MGAT5: variants seen among roughly 807,000 people sequenced by gnomAD.
MGAT5 encodes the protein alpha-1,6-mannosylglycoprotein 6-beta-N-acetylglucosaminyltransferase.
In MGAT5, 30 loss-of-function variants were observed where a neutral mutation model predicts 94.3. The ratio of observed to expected loss-of-function variants is 0.32; its 90% confidence interval spans 0.24 to 0.43. The LOEUF (loss-of-function observed/expected upper bound fraction) is 0.43. Among genes scored for constraint, MGAT5 ranks in the 20% least tolerant of loss-of-function variants. The pLI is 1.00. For synonymous variants in MGAT5, 310 were observed against 322.9 expected (o/e 0.96, Z 0.43); for missense variants, 691 against 905.5 (o/e 0.76, Z 3.04).
intron 2 of MGAT5, among the ~76,000 whole-genome samples, chr2:134,271,627 GGTT>G (rs1388308360): frequency 2.0e-5 from 3 of 152,226 alleles, no homozygotes; most frequent in Non-Finnish European, 4.4e-5. Flanking sequence ...TATGCAAGGT[GGTT>G]GTTATTACCT....
rs1365505063 is a variant in MGAT5, at chr2:134,316,285, C to T, written c.407-1244C>T. ...GCATTTGAAGCCTTTCCTGTTGTTGCATCTCCTGTCTGTCCTGAGTACCTC... is the reference window on the plus strand; with the variant it reads ...GCATTTGAAGCCTTTCCTGTTGTTGTATCTCCTGTCTGTCCTGAGTACCTC... On this transcript the variant is annotated intron_variant, in intron 2 of 15. Transcript: ENST00000281923. 2.0e-5 allele frequency among the ~76,000 whole-genome samples: 3 copies of T among 152,154 alleles called. No homozygotes were observed. In the East Asian group the frequency reaches 5.8e-4, roughly 29 times the overall value.
chr2:134,426,391 C>A (rs1384008398), intron 13 of MGAT5, among the ~76,000 whole-genome samples: 1 of 152,190 alleles, frequency 6.6e-6, no homozygotes, highest in African/African-American at 2.4e-5. Flanking sequence ...GAGGAGGAGC[C>A]ATTTTTCTGT....
chr2:134,202,504 AATTGCGC>A (rs1679835684), intron 1 of MGAT5, among the ~76,000 whole-genome samples: 1 of 152,180 alleles, frequency 6.6e-6, no homozygotes, highest in African/African-American at 2.4e-5. Context: ...GTTGTTCACA[AATTGCGC>A]AGTCTAAAGT....
In MGAT5 at chr2:134,389,141, G is replaced by A. The variant is rs143841618; in HGVS notation, c.1381-13847G>A. 1.8e-3 allele frequency among the ~76,000 whole-genome samples: 281 copies of A among 152,180 alleles called. 1 individual carries two copies. The highest frequency in any genetic ancestry group is 6.5e-3 in the African/African-American group (271 of 41,532). ...TGGCATCAGGAGGCACATAATGTCC[G>A]GTTATCTTGCTTTTTTCTTCATGTT... On this transcript the variant is annotated intron_variant, in intron 10 of 15. Transcript: ENST00000281923.
In MGAT5 at chr2:134,270,715, A is replaced by G. The variant is rs74941758; in HGVS notation, c.406+165A>G. Among the ~76,000 whole-genome samples the G allele has an allele frequency of 0.017, 2,520 of 152,342 alleles. 76 individuals carry two copies. Among genetic ancestry groups the G allele is most frequent in the African/African-American group, 0.056 (2,340 of 41,560 alleles). On this transcript the variant is annotated intron_variant, in intron 2 of 15. Coordinates refer to ENST00000281923, the MANE Select transcript of MGAT5 (RefSeq NM_002410.5). ...GTCTAAATTTATTTTTTAATAGCAG[A>G]TGTTAAAATGCTTTTTATAGTTTTA...
chr2:134,235,314 C>G (rs1210413321), intron 1 of MGAT5, among the ~76,000 whole-genome samples: 1 of 152,164 alleles, frequency 6.6e-6, no homozygotes, highest in African/African-American at 2.4e-5. Flanking sequence ...ACCTTAGAGT[C>G]TCTTGGGATT....
chr2:134,139,194 G>T (rs1253272178), intron 1 of MGAT5, among the ~76,000 whole-genome samples: 1 of 152,176 alleles, frequency 6.6e-6, no homozygotes, highest in Non-Finnish European at 1.5e-5. Context: ...CATAAAAATG[G>T]TTTTCCATTG....
intron 10 of MGAT5, among the ~76,000 whole-genome samples, chr2:134,373,503 T>C (rs1680950807): frequency 6.6e-6 from 1 of 152,254 alleles, no homozygotes; most frequent in African/African-American, 2.4e-5. Flanking sequence ...GTAATTGTGT[T>C]GATTATGCGA....
chr2:134,381,776 G>A (rs922151917), intron 10 of MGAT5, among the ~76,000 whole-genome samples: 2 of 152,146 alleles, frequency 1.3e-5, no homozygotes, highest in African/African-American at 4.8e-5. Context: ...TTCAAATTTT[G>A]TAATTGGCTT....
intron 14 of MGAT5, among the ~76,000 whole-genome samples, chr2:134,436,826 C>A (rs1685186297): frequency 6.6e-6 from 1 of 152,202 alleles, no homozygotes; most frequent in African/African-American, 2.4e-5. Context: ...TCACTCTTTG[C>A]AGACAAGCAG....
intron 1 of MGAT5, among the ~76,000 whole-genome samples, chr2:134,135,211 T>G (rs1013770951): frequency 1.3e-5 from 2 of 152,154 alleles, no homozygotes; most frequent in Admixed American, 6.5e-5. Flanking sequence ...GAAATTGTGT[T>G]TAGGTAGGTT....
At chr2:134,398,315 G>A (rs1377984420) in intron 10 of MGAT5, among the ~76,000 whole-genome samples, 4 of 152,152 alleles carry the variant, frequency 2.6e-5, no homozygotes, top group Admixed American at 6.5e-5. Flanking sequence ...TGGGACACAC[G>A]CTTGCCTCTG....
intron 2 of MGAT5, among the ~76,000 whole-genome samples, chr2:134,305,192 G>A (rs1686252904): frequency 6.6e-6 from 1 of 152,110 alleles, no homozygotes; most frequent in Non-Finnish European, 1.5e-5. Context: ...AAAAAAGTAA[G>A]GTAAGAGACC....
intron 2 of MGAT5, among the ~76,000 whole-genome samples, chr2:134,313,079 CACACACACACACAT>C (rs1489087106): frequency 0.016 from 1,041 of 66,904 alleles, 14 homozygotes; most frequent in Non-Finnish European, 0.028. Context: ...CACACACACA[CACACACACACACAT>C]ATCTGTCTGG....
intron 15 of MGAT5, among the ~76,000 whole-genome samples, chr2:134,442,611 C>T (rs1685547654): frequency 6.6e-6 from 1 of 152,152 alleles, no homozygotes; most frequent in Non-Finnish European, 1.5e-5. Context: ...GAATTTCTTA[C>T]CTTGTGCTTG....
Position 134,402,988 on chromosome 2 carries a change from A to C in MGAT5, c.1381A>C (p.Asn461His). The C allele has an allele frequency of 6.3e-7, 1 of 1,587,086 alleles. No homozygotes were observed. The highest frequency in any genetic ancestry group is 1.4e-5 in the African/African-American group (1 of 73,548). The part of the protein sequence containing the change: ...VYGKVDSFWK[N>H]KKIYLDIIHT... The stretch of plus-strand genomic sequence containing the variant: ...GTCTTGTGCTTGTTTTCTTCTTTAG[A>C]ATAAGAAGATCTACTTGGACATTAT... The change falls in exon 11 of 16, where the codon AAT becomes CAT. Residue 461 changes from asparagine to histidine, a missense_variant and splice_region_variant. By Grantham distance (68) the Asn-to-His change is moderately conservative (BLOSUM62 1). Coordinates refer to ENST00000281923, the MANE Select transcript of MGAT5 (RefSeq NM_002410.5).
intron 12 of MGAT5, among the ~76,000 whole-genome samples, chr2:134,422,060 C>T (rs749240756): frequency 1.8e-4 from 28 of 151,952 alleles, no homozygotes; most frequent in Non-Finnish European, 3.5e-4. Flanking sequence ...CATCTGTAGT[C>T]CCAACTACTC....
chr2:134,395,656 C>T (rs777935247), intron 10 of MGAT5, among the ~76,000 whole-genome samples: 28 of 152,218 alleles, frequency 1.8e-4, no homozygotes, highest in Non-Finnish European at 4.0e-4. Context: ...GTATTACTTC[C>T]TATTTATGGA....
chr2:134,212,367 C>T lies in MGAT5; in HGVS notation c.-142-41895C>T, dbSNP rs1680250780. On this transcript the variant is annotated intron_variant, in intron 1 of 16. Coordinates refer to the MGAT5 transcript ENST00000409645. ...TTCCCTCTACACACTGCTTTGAATGCGTCCCAGAGATTCTGGTATGTGGTG... is the reference window on the plus strand; with the variant it reads ...TTCCCTCTACACACTGCTTTGAATGTGTCCCAGAGATTCTGGTATGTGGTG... Among the ~76,000 whole-genome samples the T allele has an allele frequency of 1.0e-4, 3 of 30,002 alleles. 1 individual carries two copies. Among genetic ancestry groups the T allele is most frequent in the Non-Finnish European group, 1.4e-4 (3 of 20,850 alleles). 19.7% of individuals were successfully genotyped at this position (30,002 alleles called of 152,430 possible).
Sources: gnomAD v4.1 joint callset for allele counts (sites outside exome capture counted in the v4.1 genomes callset) on GRCh38, gnomAD v4.1.1 for gene constraint, MANE v1.5 for transcripts, NCBI Gene and HGNC (gene_info 2026-07-23, HGNC 2026-07-21) for gene names.